Variants in STYX observed in about 807,000 individuals in gnomAD.
STYX encodes the protein serine/threonine/tyrosine interacting protein, also known as serine/threonine/tyrosine-interacting protein.
A neutral mutation model predicts 42.7 loss-of-function variants in STYX; 20 were observed. The observed-to-expected ratio is 0.47, with a 90% CI of 0.33 to 0.68. STYX has a LOEUF of 0.68. Among genes scored for constraint, STYX ranks in the 30% least tolerant of loss-of-function variants. STYX has a pLI of 0.02. For synonymous variants in STYX, 78 were observed against 81.9 expected (o/e 0.95, Z 0.26); for missense variants, 226 against 268.5 (o/e 0.84, Z 1.11).
chr14:52,762,626 C>T (rs1882137674), intron 9 of STYX, among the ~76,000 whole-genome samples: 1 of 151,708 alleles, frequency 6.6e-6, no homozygotes, highest in Non-Finnish European at 1.5e-5. Flanking sequence ...ATCTCTGTCA[C>T]AGTGTTCTCA....
rs1204583200 is a variant in STYX at position 52,757,373 on chromosome 14, T to C, written c.340+18T>C. On this transcript the variant is annotated intron_variant, in intron 6 of 10. Transcript: ENST00000354586. ...AATGGGAGGTAAATAACATTTCCTT[T>C]CCTTAACTAATGTTTATATTTTGAT... 2.5e-6 allele frequency: 4 copies of C among 1,585,612 alleles called. No homozygotes were observed. Among genetic ancestry groups the C allele is most frequent in the Non-Finnish European group, 2.6e-6 (3 of 1,157,342 alleles).
Position 52,771,534 on chromosome 14 carries a change from T to C in STYX, c.*428T>C, listed in dbSNP as rs1882512310. On this transcript the variant is annotated 3_prime_UTR_variant, in exon 11 of 11. Coordinates refer to ENST00000354586, the MANE Select transcript of STYX (RefSeq NM_145251.4). The stretch of plus-strand genomic sequence containing the variant: ...AAATTTGCTAAGGTTTGCTAAAAAT[T>C]CATTTTTCTGTTCTATATATTACAT... 1 of 153,496 alleles carries C rather than the reference T, an allele frequency of 6.5e-6. No individual in the cohort carries two copies. The highest frequency in any genetic ancestry group is 2.4e-5 in the African/African-American group (1 of 41,484). 9.5% of individuals were successfully genotyped at this position (153,496 alleles called of 1,614,324 possible). A position where few individuals can be genotyped will look rare whatever the true frequency, so the allele number is the denominator to read the frequency against.
At chr14:52,732,794 C>T (rs1008373664) in intron 1 of STYX, among the ~76,000 whole-genome samples, 1 of 152,020 alleles carries the variant, frequency 6.6e-6, no homozygotes, top group East Asian at 1.9e-4. Flanking sequence ...CCTCAGCCGC[C>T]TGAGTAGCTG....
intron 9 of STYX, among the ~76,000 whole-genome samples, chr14:52,767,363 A>G (rs1199914149): frequency 6.6e-6 from 1 of 152,190 alleles, no homozygotes; most frequent in African/African-American, 2.4e-5. Flanking sequence ...CAAACATTCA[A>G]TCCCATAACT....
chr14:52,756,938 C>T (rs1282486637), intron 5 of STYX, among the ~76,000 whole-genome samples: 2 of 152,128 alleles, frequency 1.3e-5, no homozygotes, highest in Non-Finnish European at 2.9e-5. Flanking sequence ...CTGCCTGCCT[C>T]AGCCTCCCAA....
intron 1 of STYX, among the ~76,000 whole-genome samples, chr14:52,737,537 A>G (rs1014851314): frequency 1.2e-4 from 18 of 152,220 alleles, no homozygotes; most frequent in Non-Finnish European, 2.4e-4. Flanking sequence ...AGTTTGGGAA[A>G]TTGATTTCTA....
chr14:52,754,278 T>C (rs552185642), intron 4 of STYX, among the ~76,000 whole-genome samples: 3 of 152,148 alleles, frequency 2.0e-5, no homozygotes, highest in African/African-American at 4.8e-5. Context: ...ATTGGCATGA[T>C]TTCTGTTCAT....
In STYX at chr14:52,772,649, T is replaced by C. The variant is rs909181081; in HGVS notation, c.*1543T>C. ...AAGAGGTACTATGCAAAGTAACCTA[T>C]TACACCAAGTTACTTGCTTTGCTTT... On this transcript the variant is annotated 3_prime_UTR_variant, in exon 11 of 11. Coordinates refer to ENST00000354586, the MANE Select transcript of STYX (RefSeq NM_145251.4). 6.5e-6 allele frequency: 1 copy of C among 152,736 alleles called. No homozygotes were observed. The highest frequency in any genetic ancestry group is 2.1e-4 in the South Asian group (1 of 4,822). 9.5% of individuals were successfully genotyped at this position (152,736 alleles called of 1,614,324 possible).
chr14:52,745,150 C>T (rs578052194), intron 2 of STYX, among the ~76,000 whole-genome samples: 19 of 130,924 alleles, frequency 1.5e-4, no homozygotes, highest in Non-Finnish European at 1.7e-4. Flanking sequence ...AACAGAGTTT[C>T]GCTCTTGTTG....
intron 9 of STYX, among the ~76,000 whole-genome samples, chr14:52,764,666 C>CTTTTTTTTT (rs58502916): frequency 1.2e-4 from 12 of 98,976 alleles, no homozygotes; most frequent in African/African-American, 1.5e-4. Context: ...TTTACTTTTC[C>CTTTTTTTTT]TTTTTTTTTT....
intron 1 of STYX, among the ~76,000 whole-genome samples, chr14:52,739,130 T>G (rs1881081759): frequency 6.6e-6 from 1 of 152,152 alleles, no homozygotes; most frequent in African/African-American, 2.4e-5. Context: ...ATACCACTTT[T>G]TTTTTTTTGG....
At chr14:52,754,656 G>C (rs1881781644) in intron 4 of STYX, among the ~76,000 whole-genome samples, 1 of 152,056 alleles carries the variant, frequency 6.6e-6, no homozygotes, top group African/African-American at 2.4e-5. Context: ...TCTCTGTTGT[G>C]TATGTGTATT....
At chr14:52,734,921 G>C (rs1354294973) in intron 1 of STYX, among the ~76,000 whole-genome samples, 1 of 152,054 alleles carries the variant, frequency 6.6e-6, no homozygotes, top group Non-Finnish European at 1.5e-5. Flanking sequence ...GCCAGGTATG[G>C]TGGCGGGCGC....
At chr14:52,746,724 AAATAACTGACCTTT>A (rs1224993213) in intron 3 of STYX, among the ~76,000 whole-genome samples, 1 of 152,232 alleles carries the variant, frequency 6.6e-6, no homozygotes, top group Non-Finnish European at 1.5e-5. Flanking sequence ...AAGATTTACC[AAATAACTGACCTTT>A]AATAACTTAT....
intron 9 of STYX, among the ~76,000 whole-genome samples, chr14:52,764,679 T>TG (rs1404667420): frequency 6.8e-5 from 10 of 146,638 alleles, no homozygotes; most frequent in Non-Finnish European, 1.5e-4. Context: ...TTTTTTTTTT[T>TG]TTTTTTTGAG....
intron 1 of STYX, among the ~76,000 whole-genome samples, chr14:52,733,638 T>C (rs1001269638): frequency 6.6e-6 from 1 of 152,102 alleles, no homozygotes; most frequent in African/African-American, 2.4e-5. Flanking sequence ...CATTTACGGG[T>C]TTATTATAAA....
chr14:52,754,572 T>G (rs1594875233), intron 4 of STYX, among the ~76,000 whole-genome samples: 1 of 152,144 alleles, frequency 6.6e-6, no homozygotes, highest in East Asian at 1.9e-4. Flanking sequence ...AAGAAAAATA[T>G]TTAAATCATC....
chr14:52,757,949 C>T, intron 8 of STYX, 25 bp downstream of exon 8: 1 of 1,606,172 alleles, frequency 6.2e-7, no homozygotes, highest in African/African-American at 1.3e-5. Context: ...TAAAACCTAG[C>T]CACAGTTTAA....
At chr14:52,757,815 A>G (rs1881935209) in intron 7 of STYX, 33 bp downstream of exon 7, 4 of 1,612,812 alleles carry the variant, frequency 2.5e-6, no homozygotes, top group Non-Finnish European at 3.4e-6. Flanking sequence ...TCTTTCTATA[A>G]CATTTAATTA....
Sources: allele counts gnomAD v4.1 joint callset (sites outside exome capture counted in the v4.1 genomes callset), GRCh38; gene constraint gnomAD v4.1.1; transcripts MANE v1.5; gene names NCBI Gene and HGNC (gene_info 2026-07-23, HGNC 2026-07-21).